Variants in GLIS3 observed in about 807,000 individuals in gnomAD.
The protein encoded by GLIS3 is zinc finger protein GLIS3.
GLIS3 carries 53 observed loss-of-function variants against 78.6 expected under a neutral mutation model. The ratio of observed to expected loss-of-function variants is 0.67; its 90% CI spans 0.54 to 0.85. The LOEUF (loss-of-function observed/expected upper bound fraction) is 0.85, where lower values mean the gene tolerates loss of function less well. Ranked by LOEUF, GLIS3 falls within the 40% of genes least tolerant of loss-of-function variation. The pLI, the probability that GLIS3 is intolerant of heterozygous loss-of-function variation, is 0.00. For missense variants in GLIS3, 1,703 were observed against 1,231.1 expected (o/e 1.38, Z -5.74); for synonymous variants, 684 against 509.9 (o/e 1.34, Z -4.60).
At chr9:4,398,970 AG>A in the GLIS3 span, among the ~76,000 whole-genome samples, 1 of 152,206 alleles carries the variant, frequency 6.6e-6, no homozygotes, top group African/African-American at 2.4e-5. Context: ...TACAGGCGTG[AG>A]CCACCGTACC....
the GLIS3 span, among the ~76,000 whole-genome samples, chr9:4,453,358 A>AAAG: frequency 0.013 from 1,888 of 149,144 alleles, 49 homozygotes; most frequent in African/African-American, 0.045. Flanking sequence ...AAAAAAAAAA[A>AAAG]AAAAAAGAAA....
At chr9:4,454,150 TAAAA>T in the GLIS3 span, among the ~76,000 whole-genome samples, 21 of 128,822 alleles carry the variant, frequency 1.6e-4, no homozygotes, top group African/African-American at 3.3e-4. Flanking sequence ...TATATGATGA[TAAAA>T]AAAAAAAAAA....
the GLIS3 span, among the ~76,000 whole-genome samples, chr9:4,483,308 T>G: frequency 6.6e-6 from 1 of 152,216 alleles, no homozygotes; most frequent in Non-Finnish European, 1.5e-5. Flanking sequence ...GCACAGCACA[T>G]TAGAGACCAA....
Position 4,186,776 on chromosome 9 carries a change from T to C in GLIS3, c.389-60835A>G, listed in dbSNP as rs1470777979. Among the ~76,000 whole-genome samples, 9 of 152,348 alleles carry C rather than the reference T, an allele frequency of 5.9e-5. No homozygotes were observed. In the East Asian group the frequency reaches 1.5e-3, roughly 26 times the overall value. ...GATGATGAGCTTTTTTTCATGTGTC[T>C]TTTGGCTGCATAAATGTCTTCTTTT... On this transcript the variant is annotated intron_variant, in intron 2 of 10. Transcript: ENST00000381971.
At chr9:4,239,955 T>A (rs1823133197) in intron 2 of GLIS3, among the ~76,000 whole-genome samples, 1 of 152,208 alleles carries the variant, frequency 6.6e-6, no homozygotes, top group Non-Finnish European at 1.5e-5. Context: ...CTTATTTTAG[T>A]CATTATTAAG....
At chr9:4,348,507 T>C (rs1225222797), upstream of GLIS3, 2 of 152,226 alleles carry the variant, frequency 1.3e-5, no homozygotes, top group East Asian at 1.9e-4. Flanking sequence ...ATTCTACTTA[T>C]ATCTCATTGG....
At chr9:4,340,823 G>A (rs1337600955) in intron 2 of GLIS3, among the ~76,000 whole-genome samples, 1 of 152,140 alleles carries the variant, frequency 6.6e-6, no homozygotes, top group Non-Finnish European at 1.5e-5. Flanking sequence ...AGCCACCCAA[G>A]TAGCTAGGAT....
At chr9:3,971,477 G>C (rs1818378322) in intron 4 of GLIS3, among the ~76,000 whole-genome samples, 1 of 152,120 alleles carries the variant, frequency 6.6e-6, no homozygotes, top group Non-Finnish European at 1.5e-5. Flanking sequence ...ATAAGCCATT[G>C]GGGGAAACTA....
At chr9:3,960,098 C>G (rs772597256) in intron 4 of GLIS3, among the ~76,000 whole-genome samples, 2 of 152,186 alleles carry the variant, frequency 1.3e-5, no homozygotes, top group Non-Finnish European at 2.9e-5. Flanking sequence ...GATGGAGCCA[C>G]TGCACTCTAG....
the GLIS3 span, among the ~76,000 whole-genome samples, chr9:4,373,452 A>G: frequency 6.6e-6 from 1 of 152,182 alleles, no homozygotes; most frequent in Non-Finnish European, 1.5e-5. Context: ...GAGTTGATCC[A>G]CATCCAGCAT....
At chr9:3,865,185 G>A (rs566261721) in intron 8 of GLIS3, among the ~76,000 whole-genome samples, 1 of 152,228 alleles carries the variant, frequency 6.6e-6, no homozygotes, top group Admixed American at 6.5e-5. Context: ...CTCAGAAAAG[G>A]ACACAAACAC....
chr9:4,321,376 G>T (rs537275013), intron 2 of GLIS3, among the ~76,000 whole-genome samples: 2 of 111,818 alleles, frequency 1.8e-5, no homozygotes, highest in Non-Finnish European at 3.2e-5. Context: ...GAGCCGAGAT[G>T]GCGCCACTGC....
At chr9:4,089,648 C>G (rs1273794620) in intron 4 of GLIS3, among the ~76,000 whole-genome samples, 3 of 151,972 alleles carry the variant, frequency 2.0e-5, no homozygotes, top group African/African-American at 7.2e-5. Context: ...CAAACCCCAT[C>G]TCTACAATTT....
intron 2 of GLIS3, among the ~76,000 whole-genome samples, chr9:4,281,981 C>T (rs1179439219): frequency 1.3e-5 from 2 of 152,110 alleles, no homozygotes; most frequent in Admixed American, 1.3e-4. Flanking sequence ...ATTAAAGCCA[C>T]TGTTATTTGA....
chr9:3,993,375 G>A (rs1459037003), intron 4 of GLIS3, among the ~76,000 whole-genome samples: 7 of 152,082 alleles, frequency 4.6e-5, no homozygotes, highest in Non-Finnish European at 7.4e-5. Flanking sequence ...TTATTTTCTC[G>A]TTAATATTAG....
chr9:4,458,659 A>G, the GLIS3 span, among the ~76,000 whole-genome samples: 13 of 152,028 alleles, frequency 8.6e-5, no homozygotes, highest in Non-Finnish European at 1.9e-4. Context: ...ATGGTGGCGC[A>G]CGTCTGTAGT....
chr9:3,900,503 C>CAT (rs1563829106), intron 6 of GLIS3, among the ~76,000 whole-genome samples: 36 of 151,684 alleles, frequency 2.4e-4, no homozygotes, highest in South Asian at 8.4e-4. Flanking sequence ...AAAATATACA[C>CAT]ATATATATAT....
At chr9:4,159,536 C>A (rs941714592) in intron 2 of GLIS3, among the ~76,000 whole-genome samples, 1 of 151,970 alleles carries the variant, frequency 6.6e-6, no homozygotes, top group South Asian at 2.1e-4. Context: ...CTGGCCAACA[C>A]GGTGAAACCC....
At chr9:4,362,919 G>A in the GLIS3 span, among the ~76,000 whole-genome samples, 2 of 152,088 alleles carry the variant, frequency 1.3e-5, no homozygotes, top group Non-Finnish European at 2.9e-5. Context: ...GAGGGAGGAA[G>A]GAGAGAGATG....
Sources: allele counts gnomAD v4.1 joint callset (sites outside exome capture counted in the v4.1 genomes callset), GRCh38; gene constraint gnomAD v4.1.1; transcripts MANE v1.5; gene names NCBI Gene and HGNC (gene_info 2026-07-23, HGNC 2026-07-21).